The following AIG1 variants were observed in gnomAD, a reference collection of about 807,000 sequenced individuals.
The protein encoded by AIG1 is androgen-induced gene 1 protein.
In AIG1, 23 loss-of-function variants were observed where a neutral mutation model predicts 31.4. The ratio of observed to expected loss-of-function variants is 0.73; its 90% CI spans 0.53 to 1.04. The LOEUF (loss-of-function observed/expected upper bound fraction) is 1.04, where lower values mean the gene tolerates loss of function less well. AIG1 is among the 50% of genes least tolerant of loss of function. The pLI is 0.00. For synonymous variants in AIG1, 100 were observed against 110.5 expected (o/e 0.90, Z 0.60); for missense variants, 274 against 295.0 (o/e 0.93, Z 0.52).
chr6:143,125,339 C>T (rs1782604549), intron 1 of AIG1, among the ~76,000 whole-genome samples: 1 of 152,134 alleles, frequency 6.6e-6, no homozygotes, highest in Non-Finnish European at 1.5e-5. Flanking sequence ...AGCATATTCA[C>T]CTTTGTAGCA....
chr6:143,060,050 G>T (rs1196193812), upstream of AIG1, among the ~76,000 whole-genome samples: 3 of 152,144 alleles, frequency 2.0e-5, no homozygotes, highest in Admixed American at 2.0e-4. Flanking sequence ...TCCAAAATTG[G>T]AATTTTTTAA....
At chr6:143,164,592 G>A (rs965419561) in intron 2 of AIG1, among the ~76,000 whole-genome samples, 3 of 152,212 alleles carry the variant, frequency 2.0e-5, no homozygotes, top group Admixed American at 6.5e-5. Flanking sequence ...TTTTATAGCA[G>A]TGGTTTCAAT....
intron 3 of AIG1, among the ~76,000 whole-genome samples, chr6:143,247,821 ACT>A (rs1794718384): frequency 6.6e-6 from 1 of 152,014 alleles, no homozygotes; most frequent in Non-Finnish European, 1.5e-5. Flanking sequence ...AGGTTCATTG[ACT>A]CTGCTGAAAT....
rs540199298 is a variant in AIG1 at position 143,222,572 on chromosome 6, G to A, written c.399+57389G>A. Among the ~76,000 whole-genome samples the A allele has an allele frequency of 6.6e-5, 10 of 152,180 alleles. No individual in the cohort carries two copies. The South Asian group carries it at 1.0e-3, about 16-fold the overall frequency. On this transcript the variant is annotated intron_variant, in intron 3 of 5. Coordinates refer to ENST00000357847, the MANE Select transcript of AIG1 (RefSeq NM_016108.4). ...TGACCTTCCCTGGGCCTTAGTTTTC[G>A]CAGTTGACAAACTAGAGGATTGCTA...
chr6:143,188,836 T>A (rs1217739857), intron 3 of AIG1: 10 of 985,154 alleles, frequency 1.0e-5, no homozygotes, highest in Non-Finnish European at 1.2e-5. Flanking sequence ...AACATTCCTT[T>A]TTACACTGCC....
rs1219701255 is a variant in AIG1 at position 143,292,145 on chromosome 6, A to T, written c.515+7920A>T. Among the ~76,000 whole-genome samples the T allele has an allele frequency of 2.6e-5, 4 of 152,198 alleles. No homozygotes were observed. The East Asian group carries it at 7.7e-4, about 29-fold the overall frequency. Reference sequence around the variant, plus strand: ...GGACTCAGCCCCTTTAATAATGTTTAACCTTGGTATGGAAGGCAAAATAAT... The same window carrying T: ...GGACTCAGCCCCTTTAATAATGTTTTACCTTGGTATGGAAGGCAAAATAAT... On this transcript the variant is annotated intron_variant, in intron 4 of 5. Transcript: ENST00000357847. This position sits in a 1 kb window ranked among gnomAD's most constrained non-coding sequence, Gnocchi z 4.9.
chr6:143,263,003 C>T (rs772610254), intron 3 of AIG1, among the ~76,000 whole-genome samples: 5 of 152,144 alleles, frequency 3.3e-5, no homozygotes, highest in Non-Finnish European at 7.4e-5. Flanking sequence ...CAGAAGAGAG[C>T]CACAAGTAGT....
At chr6:143,196,350 A>AACACACGCGCACAC (rs1031872426) in intron 3 of AIG1, among the ~76,000 whole-genome samples, 1 of 141,636 alleles carries the variant, frequency 7.1e-6, no homozygotes, top group African/African-American at 2.6e-5. Context: ...CAACAAAAGC[A>AACACACGCGCACAC]ACACACACAC....
chr6:143,130,916 C>A (rs533618267), intron 1 of AIG1, among the ~76,000 whole-genome samples: 1 of 152,304 alleles, frequency 6.6e-6, no homozygotes, highest in Admixed American at 6.5e-5. Context: ...TTGTTCCCCT[C>A]TCTGTGTCCA....
rs1798486466 is a variant in AIG1, at chr6:143,297,205, C to T, written c.515+12980C>T. On this transcript the variant is annotated intron_variant, in intron 4 of 5. Coordinates refer to ENST00000357847, the MANE Select transcript of AIG1 (RefSeq NM_016108.4). The surrounding 1 kb of genome is among the most constrained non-coding windows in gnomAD (Gnocchi z 5.1). ...CTCTTGGAGGGTGAATAAGAGTTAG[C>T]TTTGTGAAGGTCCAGGATAAAAGTG... is the stretch of plus-strand genomic sequence containing the variant. Among the ~76,000 whole-genome samples the T allele has an allele frequency of 6.6e-6, 1 of 152,104 alleles. No homozygotes were observed. Among genetic ancestry groups the T allele is most frequent in the South Asian group, 2.1e-4 (1 of 4,820 alleles).
At chr6:143,082,072 CG>C (rs1270262875) in intron 1 of AIG1, among the ~76,000 whole-genome samples, 1 of 152,152 alleles carries the variant, frequency 6.6e-6, no homozygotes, top group Admixed American at 6.5e-5. Flanking sequence ...CGTGTTCCCT[CG>C]GAAGTTAGGA....
chr6:143,136,803 A>G (rs753199052), intron 1 of AIG1, 32 bp from the exon 2 acceptor site: 1 of 1,330,798 alleles, frequency 7.5e-7, no homozygotes, highest in Admixed American at 2.9e-5. Context: ...TCCAGATCTT[A>G]ATGACTCATA....
At chr6:143,122,816 T>G (rs1355402231) in intron 1 of AIG1, among the ~76,000 whole-genome samples, 1 of 152,066 alleles carries the variant, frequency 6.6e-6, no homozygotes, top group Non-Finnish European at 1.5e-5. Context: ...CACCACAGAT[T>G]CCCATCTTTT....
At chr6:143,269,971 GTA>G (rs1388833163) in intron 3 of AIG1, among the ~76,000 whole-genome samples, 1 of 152,110 alleles carries the variant, frequency 6.6e-6, no homozygotes, top group Non-Finnish European at 1.5e-5. Flanking sequence ...CTGTGATATG[GTA>G]TAGTATTTAA....
intron 1 of AIG1, among the ~76,000 whole-genome samples, chr6:143,116,774 C>T (rs1781775778): frequency 6.6e-6 from 1 of 151,016 alleles, no homozygotes; most frequent in African/African-American, 2.4e-5. Context: ...TACATACAGT[C>T]CAGGGGCGGC....
chr6:143,085,009 ATTTGGGGTTAGTG>A (rs1192933309), intron 1 of AIG1, among the ~76,000 whole-genome samples: 3 of 152,118 alleles, frequency 2.0e-5, no homozygotes, highest in Admixed American at 6.5e-5. Flanking sequence ...CACTTCTCTC[ATTTGGGGTTAGTG>A]TCTGATCTAG....
rs552751830 is a variant in AIG1, at chr6:143,242,566, T to C, written c.400-41544T>C. Among the ~76,000 whole-genome samples the C allele has an allele frequency of 4.6e-5, 7 of 152,288 alleles. No individual in the cohort carries two copies. In the East Asian group the frequency reaches 1.4e-3, roughly 29 times the overall value. On this transcript the variant is annotated intron_variant, in intron 3 of 5. Coordinates refer to ENST00000357847, the MANE Select transcript of AIG1 (RefSeq NM_016108.4). ...TGGCAGAGCCAGTATCGACATCCAT[T>C]TCTGTCTAACTCTAAACCATGGGTT...
Position 143,229,454 on chromosome 6 carries a change from G to T in AIG1, c.400-54656G>T, listed in dbSNP as rs9376732. 9.2e-3 allele frequency among the ~76,000 whole-genome samples: 1,407 copies of T among 152,282 alleles called. 42 individuals are homozygous for T. Among genetic ancestry groups the T allele is most frequent in the East Asian group, 0.065 (334 of 5,170 alleles). On this transcript the variant is annotated intron_variant, in intron 3 of 5. Coordinates refer to ENST00000357847, the MANE Select transcript of AIG1 (RefSeq NM_016108.4). ...TATCACAAACAGATAGGTGCAGCTT[G>T]TTGGGAAAAGTGTATTATTTTATCA...
At chr6:143,314,286 A>G (rs1775551174) in intron 4 of AIG1, among the ~76,000 whole-genome samples, 1 of 151,306 alleles carries the variant, frequency 6.6e-6, no homozygotes, top group Admixed American at 6.6e-5. Context: ...GGATCACTTG[A>G]GCCCAGGAGT....
Sources: allele counts gnomAD v4.1 joint callset (sites outside exome capture counted in the v4.1 genomes callset), GRCh38; gene constraint gnomAD v4.1.1; non-coding constraint Gnocchi (gnomAD v3.1); transcripts MANE v1.5; gene names NCBI Gene and HGNC (gene_info 2026-07-23, HGNC 2026-07-21).